Variants in TANGO6 observed in about 807,000 individuals in gnomAD.
TANGO6 encodes transport and Golgi organization protein 6 homolog.
A neutral mutation model predicts 114.2 loss-of-function variants in TANGO6; 90 were observed. The observed-to-expected ratio is 0.79, with a 90% CI of 0.66 to 0.94. TANGO6 has a LOEUF of 0.94. Ranked by LOEUF, TANGO6 falls within the 40% of genes least tolerant of loss-of-function variation. TANGO6 has a pLI of 0.00. For synonymous variants in TANGO6, 477 were observed against 509.8 expected, an observed-to-expected ratio of 0.94 and a Z score of 0.87; for missense variants, 1,274 against 1,315.3, an observed-to-expected ratio of 0.97 and a Z score of 0.49.
At chr16:68,971,341 G>T (rs1181065933) in intron 14 of TANGO6, among the ~76,000 whole-genome samples, 3 of 152,108 alleles carry the variant, frequency 2.0e-5, no homozygotes, top group Non-Finnish European at 4.4e-5. Context: ...TGCAATCATA[G>T]CTTACTGCGG....
chr16:68,868,913 T>C (rs1567527835), intron 4 of TANGO6, among the ~76,000 whole-genome samples: 2 of 152,168 alleles, frequency 1.3e-5, no homozygotes, highest in East Asian at 1.9e-4. Context: ...CTGCCATCAT[T>C]CCCCCAAGTA....
At chr16:68,866,665 G>A (rs990204411) in intron 3 of TANGO6, among the ~76,000 whole-genome samples, 1 of 151,454 alleles carries the variant, frequency 6.6e-6, no homozygotes, top group African/African-American at 2.4e-5. Flanking sequence ...AGCTGGGCAC[G>A]GTGGCTCACG....
intron 9 of TANGO6, among the ~76,000 whole-genome samples, chr16:68,906,833 A>G (rs1337843680): frequency 2.3e-5 from 3 of 129,180 alleles, no homozygotes; most frequent in Non-Finnish European, 4.9e-5. Context: ...CACTCTTGTT[A>G]CCCAGGCTGG....
chr16:68,983,769 C>T (rs1963863708), intron 15 of TANGO6, among the ~76,000 whole-genome samples: 1 of 152,176 alleles, frequency 6.6e-6, no homozygotes, highest in Non-Finnish European at 1.5e-5. Context: ...CGCGGTGGCT[C>T]ATGCCTGTAA....
chr16:68,865,036 G>C (rs1596994136), intron 3 of TANGO6, among the ~76,000 whole-genome samples: 1 of 151,528 alleles, frequency 6.6e-6, no homozygotes, highest in South Asian at 2.1e-4. Flanking sequence ...CCAGCACTTT[G>C]GGAGGCCGAG....
intron 1 of TANGO6, among the ~76,000 whole-genome samples, chr16:68,845,841 ATTTTGTT>A (rs780479338): frequency 7.3e-4 from 110 of 151,102 alleles, no homozygotes; most frequent in African/African-American, 2.4e-3. Flanking sequence ...GTAAGACCCT[ATTTTGTT>A]TTTTGTTTTT....
intron 14 of TANGO6, among the ~76,000 whole-genome samples, chr16:68,947,782 G>C (rs909121861): frequency 6.6e-6 from 1 of 151,802 alleles, no homozygotes; most frequent in Admixed American, 6.6e-5. Flanking sequence ...AGTAGAGATG[G>C]GGTTTCACCG....
At chr16:68,859,009 A>G (rs2152156344) in intron 1 of TANGO6, among the ~76,000 whole-genome samples, 1 of 152,282 alleles carries the variant, frequency 6.6e-6, no homozygotes, top group Middle Eastern at 3.4e-3. Flanking sequence ...CATTGTAGTC[A>G]GAGAACATAC....
intron 17 of TANGO6, among the ~76,000 whole-genome samples, chr16:69,073,939 G>A (rs185798131): frequency 2.0e-5 from 3 of 151,084 alleles, no homozygotes; most frequent in African/African-American, 7.3e-5. Context: ...AGCCTGGGGG[G>A]CACAGAGCAA....
chr16:68,974,601 T>C (rs1012040405), intron 15 of TANGO6, among the ~76,000 whole-genome samples: 1 of 152,042 alleles, frequency 6.6e-6, no homozygotes, highest in Non-Finnish European at 1.5e-5. Flanking sequence ...GCAGAGGTTG[T>C]GGTGAGTCGA....
At chr16:68,907,981 A>G (rs961422918) in intron 10 of TANGO6, among the ~76,000 whole-genome samples, 1 of 152,168 alleles carries the variant, frequency 6.6e-6, no homozygotes, top group African/African-American at 2.4e-5. Flanking sequence ...AGATTTAGCA[A>G]TTCTGCCTCC....
chr16:68,974,111 A>G lies in TANGO6; in HGVS notation c.2785A>G (p.Thr929Ala). ...ATATGACAGCAGCAAAGACAAGCAC[A>G]CACCAGAGACCAGAATGAAAGTCGG... ...AQYDSSKDKH[T>A]PETRMKVGEV... is the part of the protein sequence containing the mutation. The change falls in exon 15 of 18, where the codon ACA becomes GCA. Residue 929 changes from threonine to alanine, a missense_variant. Physicochemically the swap from Thr to Ala is moderately conservative, Grantham distance 58. Around this residue, in one of 5 missense-constraint regions of TANGO6, gnomAD observed 238 missense variants for 252.9 expected, o/e 0.94. Coordinates refer to ENST00000261778, the MANE Select transcript of TANGO6 (RefSeq NM_024562.2). 6.2e-7 allele frequency: 1 copy of G among 1,613,984 alleles called. No individual in the cohort carries two copies. Among genetic ancestry groups the G allele is most frequent in the Non-Finnish European group, 8.5e-7 (1 of 1,179,880 alleles).
chr16:69,003,400 A>C (rs1964062682), intron 15 of TANGO6, among the ~76,000 whole-genome samples: 1 of 152,248 alleles, frequency 6.6e-6, no homozygotes, highest in Admixed American at 6.5e-5. Context: ...AACCCAGGCC[A>C]CCATCACAAA....
chr16:68,849,352 A>G (rs1961865574), intron 1 of TANGO6, among the ~76,000 whole-genome samples: 1 of 151,030 alleles, frequency 6.6e-6, no homozygotes, highest in East Asian at 2.0e-4. Context: ...AGAAATTATC[A>G]TTGGCTGGAT....
intron 17 of TANGO6, 73 bp from the exon 18 acceptor site, chr16:69,083,412 G>A (rs539642622): frequency 2.7e-6 from 4 of 1,495,800 alleles, no homozygotes; most frequent in Non-Finnish European, 2.7e-6. Context: ...CAGGCAGGAG[G>A]AGAGGGCAGT....
In TANGO6 at chr16:68,965,675, C is replaced by T. The variant is rs548821381; in HGVS notation, c.2702-8353C>T. ...AATTAGCCAGGTGTGGTGGCATGCA[C>T]CTGTAATCCCAGCTACTCTGGAGGC... On this transcript the variant is annotated intron_variant, in intron 14 of 17. Transcript: ENST00000261778. Among the ~76,000 whole-genome samples, 16 of 151,988 alleles carry T rather than the reference C, an allele frequency of 1.1e-4. No individual in the cohort carries two copies. The South Asian group carries it at 2.5e-3, about 24-fold the overall frequency.
At chr16:69,018,399 C>T (rs1959341731) in intron 15 of TANGO6, among the ~76,000 whole-genome samples, 1 of 149,970 alleles carries the variant, frequency 6.7e-6, no homozygotes, top group African/African-American at 2.4e-5. Context: ...CTGCCCGCCT[C>T]GGCCTCCCAA....
At chr16:69,049,417 T>C (rs1567565935) in intron 17 of TANGO6, among the ~76,000 whole-genome samples, 2 of 151,482 alleles carry the variant, frequency 1.3e-5, no homozygotes, top group Non-Finnish European at 2.9e-5. Flanking sequence ...TTTTCTTTCT[T>C]TAAAAATTTT....
At position 69,002,004 on chromosome 16, in the gene TANGO6, TA is replaced by T. The variant is rs898262827; in HGVS notation, c.2843-20815del. On this transcript the variant is annotated intron_variant, in intron 15 of 17. Transcript: ENST00000261778. ...AAATAATTTCTGATACCCCCAAAAG[TA>T]AAAAAAAAGATAAAGTAATGTGATG... 1.8e-3 allele frequency among the ~76,000 whole-genome samples: 273 copies of T among 150,670 alleles called. 1 individual carries two copies. Among genetic ancestry groups the T allele is most frequent in the African/African-American group, 6.4e-3 (263 of 41,150 alleles).
Sources: allele counts gnomAD v4.1 joint callset (sites outside exome capture counted in the v4.1 genomes callset), GRCh38; gene constraint gnomAD v4.1.1; regional missense constraint gnomAD v4.1.1; transcripts MANE v1.5; gene names NCBI Gene and HGNC (gene_info 2026-07-23, HGNC 2026-07-21).